The following DMXL1 variants were observed in gnomAD, a reference collection of about 807,000 sequenced individuals.
The protein encoded by DMXL1 is Dmx like 1.
Under a neutral mutation model 319.2 loss-of-function variants are expected in DMXL1, and 99 were observed. The observed-to-expected ratio is 0.31, with a 90% CI of 0.26 to 0.37. The LOEUF is 0.37. Among genes scored for constraint, DMXL1 ranks in the 10% least tolerant of loss-of-function variants. The pLI, the probability that DMXL1 is intolerant of heterozygous loss-of-function variation, is 1.00. For synonymous variants in DMXL1, 1,385 were observed against 1,235.2 expected, an observed-to-expected ratio of 1.12 and a Z score of -2.54; for missense variants, 3,745 against 3,595.6, an observed-to-expected ratio of 1.04 and a Z score of -1.06.
chr5:119,240,552 TG>T, intron 42 of DMXL1, 81 bp downstream of exon 42: 1 of 1,008,774 alleles, frequency 9.9e-7, no homozygotes, highest in Non-Finnish European at 1.5e-6. Flanking sequence ...GATTTGTTAC[TG>T]ATGACACATA....
chr5:119,088,529 T>C (rs2149725498), intron 1 of DMXL1, among the ~76,000 whole-genome samples: 1 of 152,302 alleles, frequency 6.6e-6, no homozygotes, highest in Middle Eastern at 3.4e-3. Context: ...ACTACTAGCG[T>C]TTTGTTGTTT....
At chr5:119,095,093 G>A (rs1374648600) in intron 1 of DMXL1, among the ~76,000 whole-genome samples, 1 of 152,118 alleles carries the variant, frequency 6.6e-6, no homozygotes, top group African/African-American at 2.4e-5. Flanking sequence ...GGACCCAAGC[G>A]ACTCACCTGT....
At chr5:119,152,823 A>C (rs901313351) in intron 19 of DMXL1, among the ~76,000 whole-genome samples, 1 of 152,188 alleles carries the variant, frequency 6.6e-6, no homozygotes, top group Non-Finnish European at 1.5e-5. Flanking sequence ...GGGACTTTGC[A>C]GTTTAGCCTT....
rs149206398 is a variant in DMXL1 at position 119,135,788 on chromosome 5, C to T, written c.2376+1399C>T. The stretch of plus-strand genomic sequence containing the variant: ...CCATGATTGTAAGTCCTGAGGCCTC[C>T]TGAGCCATGTAGAATTATGAATCAA... On this transcript the variant is annotated intron_variant, in intron 13 of 43. Transcript: ENST00000539542. Among the ~76,000 whole-genome samples, 238 of 152,312 alleles carry T rather than the reference C, an allele frequency of 1.6e-3. 8 individuals are homozygous for T. The East Asian group carries it at 0.041, about 26-fold the overall frequency.
chr5:119,201,157 A>C (rs1780637665), intron 32 of DMXL1, among the ~76,000 whole-genome samples: 1 of 152,074 alleles, frequency 6.6e-6, no homozygotes, highest in Non-Finnish European at 1.5e-5. Context: ...GTTTTCAAGG[A>C]GAAAGCTTCC....
rs1695376766 is a variant in DMXL1 at position 119,216,935 on chromosome 5, C to T, written c.7961C>T (p.Ala2654Val). 1 of 1,600,694 alleles carries T rather than the reference C, an allele frequency of 6.2e-7. No homozygotes were observed. Among genetic ancestry groups the T allele is most frequent in the African/African-American group, 1.3e-5 (1 of 74,412 alleles). ...EADLGYPGGKARIIHKESDII... is the reference protein window; with the variant it reads ...EADLGYPGGKVRIIHKESDII... Reference sequence around the variant, plus strand: ...GATTTGGGATATCCTGGAGGTAAAGCAAGAATTATTCATAAGGAATCTGAT... The same window carrying T: ...GATTTGGGATATCCTGGAGGTAAAGTAAGAATTATTCATAAGGAATCTGAT... Residue 2654 changes from alanine to valine, a missense_variant, in exon 35 of 44, where the codon GCA (alanine) becomes GTA (valine). Physicochemically the swap from Ala to Val is moderately conservative, Grantham distance 64 (BLOSUM62 0). Coordinates refer to ENST00000539542, the MANE Select transcript of DMXL1 (RefSeq NM_001290321.3).
At position 119,149,868 on chromosome 5, in the gene DMXL1, C is replaced by G; in HGVS notation, c.4041C>G (p.Ser1347=). The G allele has an allele frequency of 6.2e-7, 1 of 1,613,844 alleles. No individual in the cohort carries two copies. Among genetic ancestry groups the G allele is most frequent in the Non-Finnish European group, 8.5e-7 (1 of 1,179,904 alleles). ...TTCGGAGAGCCAAGGCCATCTTGTC[C>G]CATCTTGTTAAGTGCATTGCTGGGG... ...GKVRRAKAIL[S]HLVKCIAGEV... The change falls in exon 18 of 44, where the codon TCC becomes TCG. Residue 1347 remains serine (S), a synonymous_variant. Transcript: ENST00000539542.
At chr5:119,193,704 T>C in intron 29 of DMXL1, 124 bp from the exon 30 acceptor site, 1 of 926,082 alleles carries the variant, frequency 1.1e-6, no homozygotes, top group Non-Finnish European at 1.6e-6. Flanking sequence ...GGTAAGATAA[T>C]AGTTACTTAA....
intron 34 of DMXL1, 134 bp downstream of exon 34, chr5:119,207,030 T>C (rs1335772209): frequency 1.8e-6 from 1 of 562,892 alleles, no homozygotes; most frequent in Non-Finnish European, 3.0e-6. Context: ...ATTCTCCTTT[T>C]ATTTTAACAA....
intron 1 of DMXL1, among the ~76,000 whole-genome samples, chr5:119,096,024 A>G (rs950883515): frequency 6.6e-6 from 1 of 152,196 alleles, no homozygotes; most frequent in Admixed American, 6.5e-5. Flanking sequence ...CCACTCTGCC[A>G]CTAAGATGTT....
chr5:119,174,283 T>C (rs991889590), intron 25 of DMXL1, among the ~76,000 whole-genome samples: 6 of 152,156 alleles, frequency 3.9e-5, no homozygotes, highest in Admixed American at 2.6e-4. Context: ...GCAGCAAGAA[T>C]AGAATTTGCA....
chr5:119,166,563 A>G, intron 21 of DMXL1, 53 bp from the exon 22 acceptor site: 1 of 1,498,606 alleles, frequency 6.7e-7, no homozygotes, highest in Non-Finnish European at 9.1e-7. Flanking sequence ...ATTGATTCTG[A>G]TGTAAAGAAA....
At chr5:119,143,781 A>G (rs1767929747) in intron 13 of DMXL1, 60 bp from the exon 14 acceptor site, 1 of 1,144,282 alleles carries the variant, frequency 8.7e-7, no homozygotes, top group African/African-American at 1.6e-5. Flanking sequence ...AAATTTTGTT[A>G]TTTACTCTTA....
rs1189644654 is a variant in DMXL1 at position 119,149,736 on chromosome 5, A to G, written c.3909A>G (p.Ser1303=). The G allele has an allele frequency of 1.2e-6, 2 of 1,614,050 alleles. No individual in the cohort carries two copies. The highest frequency in any genetic ancestry group is 1.1e-5 in the South Asian group (1 of 91,086). ...ICGKKTAFDP[S]VDMEDSGLFE... is the part of the protein sequence containing the mutation. ...GAAAGAAAACTGCATTCGATCCTTC[A>G]GTGGATATGGAAGATTCAGGTCTTT... The change falls in exon 18 of 44, where the codon TCA becomes TCG. Residue 1303 remains serine (S), a synonymous_variant. Transcript: ENST00000539542.
intron 28 of DMXL1, among the ~76,000 whole-genome samples, chr5:119,185,964 G>A (rs997878363): frequency 3.2e-4 from 48 of 152,120 alleles, no homozygotes; most frequent in Admixed American, 2.0e-4. Context: ...TAGTGTTCAC[G>A]TACATTTGTA....
intron 28 of DMXL1, among the ~76,000 whole-genome samples, chr5:119,185,076 T>C (rs1264917640): frequency 6.6e-6 from 1 of 151,962 alleles, no homozygotes; most frequent in African/African-American, 2.4e-5. Flanking sequence ...CAAAATTTAG[T>C]TTCTTCTCCT....
chr5:119,071,672 C>T lies in DMXL1; in HGVS notation c.87+16C>T. On this transcript the variant is annotated intron_variant, in intron 1 of 43. Transcript: ENST00000539542. Reference sequence around the variant, plus strand: ...GCGCTTCACGGTGAGTGAGGGAGGCCCTCGCGTCGCCCGTGGCCCGGCCTT... The same window carrying T: ...GCGCTTCACGGTGAGTGAGGGAGGCTCTCGCGTCGCCCGTGGCCCGGCCTT... 1 of 1,569,856 alleles carries T rather than the reference C, an allele frequency of 6.4e-7. No homozygotes were observed.
chr5:119,179,786 G>T (rs974302856), intron 28 of DMXL1, among the ~76,000 whole-genome samples: 1 of 151,974 alleles, frequency 6.6e-6, no homozygotes, highest in African/African-American at 2.4e-5. Flanking sequence ...ACCTAGCTAG[G>T]ACTCTCATAC....
chr5:119,112,144 G>A (rs1431161984), intron 5 of DMXL1, among the ~76,000 whole-genome samples: 1 of 152,090 alleles, frequency 6.6e-6, no homozygotes, highest in Non-Finnish European at 1.5e-5. Context: ...TGTGTTTTTA[G>A]TGGAAACGAG....
Sources: gnomAD v4.1 joint callset for allele counts (sites outside exome capture counted in the v4.1 genomes callset) on GRCh38, gnomAD v4.1.1 for gene constraint, MANE v1.5 for transcripts, NCBI Gene and HGNC (gene_info 2026-07-23, HGNC 2026-07-21) for gene names.